The following CSTF3 variants were observed in gnomAD, a reference collection of about 807,000 sequenced individuals.
CSTF3 encodes CF-1 77 kDa subunit.
A neutral mutation model predicts 105.8 loss-of-function variants in CSTF3; 29 were observed. That is an observed-to-expected ratio of 0.27 (90% confidence interval 0.20 to 0.37). The LOEUF is 0.37. CSTF3 is among the 10% of genes least tolerant of loss of function. The pLI is 1.00. For synonymous variants in CSTF3, 252 were observed against 281.9 expected, an observed-to-expected ratio of 0.89 and a Z score of 1.06; for missense variants, 357 against 879.3, an observed-to-expected ratio of 0.41 and a Z score of 7.51.
chr11:33,129,270 T>G (rs1295193211), intron 3 of CSTF3, among the ~76,000 whole-genome samples: 1 of 152,128 alleles, frequency 6.6e-6, no homozygotes, highest in African/African-American at 2.4e-5. Context: ...TTTTGTATTT[T>G]TAGTAGAGAC....
intron 1 of CSTF3, among the ~76,000 whole-genome samples, chr11:33,150,296 C>T (rs1439072432): frequency 6.6e-6 from 1 of 151,374 alleles, no homozygotes; most frequent in Admixed American, 6.6e-5. Flanking sequence ...TAACAAACTG[C>T]TTAGTGTAGC....
At chr11:33,128,752 TA>T in intron 3 of CSTF3, among the ~76,000 whole-genome samples, 1 of 152,134 alleles carries the variant, frequency 6.6e-6, no homozygotes. Flanking sequence ...GCTTAAAAAT[TA>T]AAAAAACACG....
intron 3 of CSTF3, among the ~76,000 whole-genome samples, chr11:33,129,450 G>A (rs987473675): frequency 1.3e-5 from 2 of 151,644 alleles, no homozygotes; most frequent in African/African-American, 2.4e-5. Flanking sequence ...TACAGATGGT[G>A]GGGGGGTCTA....
At chr11:33,095,506 G>A (rs1245323217) in intron 15 of CSTF3, among the ~76,000 whole-genome samples, 4 of 152,120 alleles carry the variant, frequency 2.6e-5, no homozygotes, top group South Asian at 4.1e-4. Flanking sequence ...AGTGTTATTC[G>A]TACAACAGAA....
Position 33,096,350 on chromosome 11 carries a change from G to T in CSTF3, c.1331C>A (p.Pro444Gln). The T allele has an allele frequency of 6.2e-7, 1 of 1,600,444 alleles. No homozygotes were observed. Among genetic ancestry groups the T allele is most frequent in the South Asian group, 1.1e-5 (1 of 87,274 alleles). ...ELGLKKYGDI[P>Q]EYVLAYIDYL... ...GTCAATATAGGCCAGGACATACTCT[G>T]GAATGTCTCCATATTTTTTTAGCCC... Residue 444 changes from proline to glutamine, a missense_variant, in exon 15 of 21, where the codon CCA (proline) becomes CAA (glutamine). Pro to Gln is a moderately conservative substitution (Grantham distance 76). Around this residue, in one of 4 missense-constraint regions of CSTF3, gnomAD observed 206 missense variants for 576.5 expected, o/e 0.36. Transcript: ENST00000323959.
In CSTF3 at chr11:33,096,886, G is replaced by T. The variant is rs762901696; in HGVS notation, c.1221C>A (p.Thr407=). The T allele has an allele frequency of 6.2e-7, 1 of 1,613,512 alleles. No individual in the cohort carries two copies. Among genetic ancestry groups the T allele is most frequent in the South Asian group, 1.1e-5 (1 of 91,064 alleles). ...CTGCAGTAACATAGACATGGTGGCG[G>T]GTTCTGGTATCTTCTCTTGCTTTTT... ...IFKKAREDTR[T]RHHVYVTAAL... is the part of the protein sequence containing the mutation. The change falls in exon 14 of 21, where the codon ACC becomes ACA. Residue 407 remains threonine (T), a synonymous_variant. Transcript: ENST00000323959.
At chr11:33,109,983 T>C (rs1342053987) in intron 3 of CSTF3, among the ~76,000 whole-genome samples, 4 of 152,234 alleles carry the variant, frequency 2.6e-5, no homozygotes, top group African/African-American at 9.6e-5. Flanking sequence ...AGCCTATTAC[T>C]GTATTTGGTT....
chr11:33,138,339 T>A (rs1284748526), intron 3 of CSTF3, among the ~76,000 whole-genome samples: 1 of 151,806 alleles, frequency 6.6e-6, no homozygotes, highest in East Asian at 1.9e-4. Flanking sequence ...CCTAATTACA[T>A]GAAAAGCTAC....
chr11:33,158,566 G>A (rs1849895753), intron 1 of CSTF3, among the ~76,000 whole-genome samples: 1 of 152,018 alleles, frequency 6.6e-6, no homozygotes, highest in South Asian at 2.1e-4. Flanking sequence ...AAAGAAAACG[G>A]TTATCAACTC....
At chr11:33,097,531 G>A (rs779906748) in intron 13 of CSTF3, among the ~76,000 whole-genome samples, 4 of 152,104 alleles carry the variant, frequency 2.6e-5, no homozygotes, top group African/African-American at 4.8e-5. Flanking sequence ...CACCACACCC[G>A]GCTAATTTTT....
intron 8 of CSTF3, 115 bp downstream of exon 8, chr11:33,105,452 C>T: frequency 9.9e-7 from 1 of 1,013,292 alleles, no homozygotes; most frequent in Non-Finnish European, 1.4e-6. Flanking sequence ...GCTTTCATTA[C>T]AATCAATAAA....
chr11:33,138,766 A>G (rs1590282039), intron 3 of CSTF3, among the ~76,000 whole-genome samples: 1 of 151,998 alleles, frequency 6.6e-6, no homozygotes, highest in African/African-American at 2.4e-5. Context: ...CAGTTTTGGA[A>G]TAAAGAGTAG....
intron 13 of CSTF3, 44 bp downstream of exon 13, chr11:33,098,646 A>G (rs2133773770): frequency 8.9e-7 from 1 of 1,127,364 alleles, no homozygotes; most frequent in Non-Finnish European, 1.3e-6. Flanking sequence ...TTTTTGTTAG[A>G]TAAGACTGTA....
chr11:33,137,536 CCTTTG>C (rs1855667825), intron 3 of CSTF3, among the ~76,000 whole-genome samples: 1 of 151,792 alleles, frequency 6.6e-6, no homozygotes, highest in African/African-American at 2.4e-5. Flanking sequence ...GCAAATATTT[CCTTTG>C]CTTATCAAAC....
chr11:33,138,450 T>C (rs974585596), intron 3 of CSTF3, among the ~76,000 whole-genome samples: 2 of 151,824 alleles, frequency 1.3e-5, no homozygotes, highest in Non-Finnish European at 3.0e-5. Context: ...TTTTGATCAT[T>C]GTAAAAAGTA....
chr11:33,117,677 G>T (rs950301377), intron 3 of CSTF3, among the ~76,000 whole-genome samples: 3 of 137,236 alleles, frequency 2.2e-5, no homozygotes, highest in Non-Finnish European at 3.2e-5. Context: ...ATATATATAT[G>T]AGGATGTTCA....
rs146375611 is a variant in CSTF3, at chr11:33,128,849, C to T, written c.225+12818G>A. 9.0e-4 allele frequency among the ~76,000 whole-genome samples: 137 copies of T among 152,252 alleles called. 1 individual carries two copies. The East Asian group carries it at 0.023, about 25-fold the overall frequency. On this transcript the variant is annotated intron_variant, in intron 3 of 20. Transcript: ENST00000323959. ...TCATCAAATAAAGCATGTTTTCTCT[C>T]TTTCCTTTAAGGCCTCTGCACTGGC...
chr11:33,142,120 A>C, intron 1 of CSTF3, 134 bp from the exon 2 acceptor site: 4 of 1,439,530 alleles, frequency 2.8e-6, no homozygotes, highest in Non-Finnish European at 2.8e-6. Flanking sequence ...ATAAAAGAGA[A>C]GTGTGTTTCC....
chr11:33,125,510 T>C (rs1855534266), intron 3 of CSTF3, among the ~76,000 whole-genome samples: 1 of 152,196 alleles, frequency 6.6e-6, no homozygotes, highest in Middle Eastern at 3.2e-3. Flanking sequence ...TTTTTCTGAA[T>C]CATTCTCAGG....
Sources: gnomAD v4.1 joint callset for allele counts (sites outside exome capture counted in the v4.1 genomes callset) on GRCh38, gnomAD v4.1.1 for gene constraint, gnomAD v4.1.1 regional missense constraint, MANE v1.5 for transcripts, NCBI Gene and HGNC (gene_info 2026-07-23, HGNC 2026-07-21) for gene names.